The following KALRN variants were observed in gnomAD, a reference collection of about 807,000 sequenced individuals.
KALRN encodes kalirin.
In KALRN, 70 loss-of-function variants were observed where a neutral mutation model predicts 353.7. The ratio of observed to expected loss-of-function variants is 0.20; its 90% CI spans 0.16 to 0.24. The LOEUF is 0.24. Ranked by LOEUF, KALRN falls within the 10% of genes least tolerant of loss-of-function variation. The pLI is 1.00. For synonymous variants in KALRN, 1,391 were observed against 1,434.8 expected (o/e 0.97, Z 0.69); for missense variants, 2,791 against 3,756.7 (o/e 0.74, Z 6.72).
chr3:124,206,026 G>C (rs1485277557), intron 1 of KALRN, among the ~76,000 whole-genome samples: 3 of 152,198 alleles, frequency 2.0e-5, no homozygotes, highest in Non-Finnish European at 2.9e-5. Flanking sequence ...TTTTGAGGTA[G>C]AGATAGAAAG....
intron 34 of KALRN, among the ~76,000 whole-genome samples, chr3:124,576,238 A>T (rs1218955373): frequency 6.6e-6 from 1 of 151,810 alleles, no homozygotes; most frequent in Admixed American, 6.6e-5. Context: ...TACCTGACAT[A>T]TTTGTTAATA....
chr3:124,463,245 G>A (rs2060017936), intron 25 of KALRN, among the ~76,000 whole-genome samples: 1 of 152,174 alleles, frequency 6.6e-6, no homozygotes, highest in Non-Finnish European at 1.5e-5. Flanking sequence ...GGCATGATAA[G>A]TTACATAACC....
chr3:124,415,375 C>T (rs993276052), intron 14 of KALRN, among the ~76,000 whole-genome samples: 3 of 152,238 alleles, frequency 2.0e-5, no homozygotes, highest in Non-Finnish European at 4.4e-5. Flanking sequence ...CATCTGACAT[C>T]TCTGGAATGA....
chr3:124,184,352 A>C (rs886764933), intron 1 of KALRN, among the ~76,000 whole-genome samples: 1 of 152,248 alleles, frequency 6.6e-6, no homozygotes, highest in Non-Finnish European at 1.5e-5. Context: ...TAAGTATTAC[A>C]TAAGCATTAG....
At position 124,442,068 on chromosome 3, in the gene KALRN, G is replaced by T; in HGVS notation, c.3313+9G>T. On this transcript the variant is annotated intron_variant, in intron 19 of 59. Coordinates refer to ENST00000682506, the MANE Select transcript of KALRN (RefSeq NM_001388419.1). ...CGAGCAACAAGTGAAAGGTCAGTGAGAGACCTGCCCAGCCACCAGTCACTT... is the reference window on the plus strand; with the variant it reads ...CGAGCAACAAGTGAAAGGTCAGTGATAGACCTGCCCAGCCACCAGTCACTT... The T allele has an allele frequency of 6.4e-7, 1 of 1,567,342 alleles. No homozygotes were observed. The highest frequency in any genetic ancestry group is 1.1e-5 in the South Asian group (1 of 88,126).
intron 10 of KALRN, among the ~76,000 whole-genome samples, chr3:124,356,335 C>CTTTTT (rs34741107): frequency 8.3e-6 from 1 of 120,194 alleles, no homozygotes; most frequent in Non-Finnish European, 1.8e-5. Flanking sequence ...TTTTCTTTTT[C>CTTTTT]TTTTTTTTTT....
chr3:124,362,986 A>G (rs1367278583), intron 10 of KALRN, among the ~76,000 whole-genome samples: 1 of 152,236 alleles, frequency 6.6e-6, no homozygotes, highest in Non-Finnish European at 1.5e-5. Flanking sequence ...TTGCAAGTTT[A>G]TAAAGTTAGA....
At chr3:124,677,670 C>A (rs2150441232) in intron 49 of KALRN, 1 of 450,790 alleles carries the variant, frequency 2.2e-6, no homozygotes, top group African/African-American at 2.0e-5. Context: ...CCTGTCTGAT[C>A]AACATTGTTT....
At chr3:124,106,753 G>T (rs900005812) in intron 1 of KALRN, among the ~76,000 whole-genome samples, 1 of 152,210 alleles carries the variant, frequency 6.6e-6, no homozygotes. Context: ...GAGCCTGGAT[G>T]TGAAGCCAGA....
intron 58 of KALRN, among the ~76,000 whole-genome samples, chr3:124,714,479 T>A (rs1399322222): frequency 6.6e-6 from 1 of 152,228 alleles, no homozygotes; most frequent in African/African-American, 2.4e-5. Context: ...GTCCCAGCTC[T>A]GTGATTTGAA....
At chr3:124,453,686 G>A (rs539873784) in intron 21 of KALRN, among the ~76,000 whole-genome samples, 13 of 152,210 alleles carry the variant, frequency 8.5e-5, no homozygotes, top group Non-Finnish European at 1.3e-4. Flanking sequence ...GTATTTAAAT[G>A]TTCTTTCCTT....
chr3:124,135,389 G>C (rs1034031900), intron 1 of KALRN, among the ~76,000 whole-genome samples: 1 of 152,068 alleles, frequency 6.6e-6, no homozygotes, highest in Non-Finnish European at 1.5e-5. Context: ...AGAGTGGGAG[G>C]GGGGCAAGGG....
chr3:124,266,166 T>A (rs774203831), intron 4 of KALRN, among the ~76,000 whole-genome samples: 15 of 151,956 alleles, frequency 9.9e-5, no homozygotes, highest in Non-Finnish European at 1.8e-4. Context: ...GCAACCCAAA[T>A]ACGATGAAGC....
intron 16 of KALRN, 152 bp from the exon 17 acceptor site, chr3:124,434,155 A>G (rs1332502309): frequency 1.7e-6 from 1 of 577,222 alleles, no homozygotes; most frequent in East Asian, 2.9e-5. Flanking sequence ...ATGCTTTAAA[A>G]ATAATAATGT....
At chr3:124,221,865 A>G (rs2077953100) in intron 1 of KALRN, among the ~76,000 whole-genome samples, 2 of 152,218 alleles carry the variant, frequency 1.3e-5, no homozygotes, top group Admixed American at 6.5e-5. Flanking sequence ...ATTAGGCTGG[A>G]AACTCAGCAG....
intron 34 of KALRN, among the ~76,000 whole-genome samples, chr3:124,626,682 C>T (rs1160172873): frequency 6.6e-6 from 1 of 152,170 alleles, no homozygotes; most frequent in Non-Finnish European, 1.5e-5. Context: ...TAGAATAGGC[C>T]TAGGGATGCC....
At position 124,086,309 on chromosome 3, in the gene KALRN, T is replaced by TG. The variant is rs2060815428; in HGVS notation, c.73+52496_73+52497insG. ...GTCTCCTACTAGGTTGGTTGTTTTG[T>TG]TGTGTGTGTGTGTGTGTGTGTGTGT... On this transcript the variant is annotated intron_variant, in intron 1 of 59. Coordinates refer to ENST00000682506, the MANE Select transcript of KALRN (RefSeq NM_001388419.1). 2.0e-4 allele frequency among the ~76,000 whole-genome samples: 28 copies of TG among 141,862 alleles called. 1 individual carries two copies. In the South Asian group the frequency reaches 5.2e-3, roughly 26 times the overall value. The allele number at this position is 141,862 out of a possible 152,430, so 93.1% of individuals were successfully genotyped here. A position where few individuals can be genotyped will look rare whatever the true frequency, so the allele number is the denominator to read the frequency against.
chr3:124,552,846 A>T (rs1577928683), intron 33 of KALRN, among the ~76,000 whole-genome samples: 1 of 152,046 alleles, frequency 6.6e-6, no homozygotes, highest in Admixed American at 6.6e-5. Context: ...GCTCACTGCA[A>T]CCTCCGCCTC....
At chr3:124,203,492 G>A (rs2076133865) in intron 1 of KALRN, among the ~76,000 whole-genome samples, 1 of 152,188 alleles carries the variant, frequency 6.6e-6, no homozygotes, top group East Asian at 1.9e-4. Context: ...ATCTTCTATT[G>A]TCCTCAGGGG....
Sources: allele counts gnomAD v4.1 joint callset (sites outside exome capture counted in the v4.1 genomes callset), GRCh38; gene constraint gnomAD v4.1.1; transcripts MANE v1.5; gene names NCBI Gene and HGNC (gene_info 2026-07-23, HGNC 2026-07-21).